TCF7L1: variants seen among roughly 807,000 people sequenced by gnomAD.
TCF7L1 encodes the protein transcription factor 7 like 1, also known as transcription factor 7-like 1.
A neutral mutation model predicts 63.7 loss-of-function variants in TCF7L1; 18 were observed. The observed-to-expected ratio is 0.28, with a 90% confidence interval of 0.20 to 0.42. The LOEUF (loss-of-function observed/expected upper bound fraction) is 0.42, where lower values mean the gene tolerates loss of function less well. Among genes scored for constraint, TCF7L1 ranks in the 10% least tolerant of loss-of-function variants. TCF7L1 has a pLI of 1.00. For missense variants in TCF7L1, 654 were observed against 779.3 expected (o/e 0.84, Z 1.91); for synonymous variants, 355 against 340.9 (o/e 1.04, Z -0.46).
chr2:85,139,259 G>A (rs770319302), intron 3 of TCF7L1, among the ~76,000 whole-genome samples: 3 of 152,050 alleles, frequency 2.0e-5, no homozygotes, highest in Non-Finnish European at 4.4e-5. Flanking sequence ...CACCTGTCTC[G>A]GCCTCCCAAA....
intron 3 of TCF7L1, among the ~76,000 whole-genome samples, chr2:85,161,961 A>C (rs1678295761): frequency 6.6e-6 from 1 of 152,180 alleles, no homozygotes; most frequent in South Asian, 2.1e-4. Flanking sequence ...CAGGCCCAGC[A>C]AGGCAAGCCA....
At position 85,222,485 on chromosome 2, in the gene TCF7L1, T is replaced by C. The variant is rs571190000; in HGVS notation, c.442-61010T>C. Among the ~76,000 whole-genome samples the C allele has an allele frequency of 6.0e-3, 902 of 150,608 alleles. 11 individuals are homozygous for C. Among genetic ancestry groups the C allele is most frequent in the African/African-American group, 0.02 (839 of 41,000 alleles). The stretch of plus-strand genomic sequence containing the variant: ...GAGTTCAAGGCCAGCCTGGGCAACA[T>C]GGTGAAATCCCTGTCTCCACCAAAA... On this transcript the variant is annotated intron_variant, in intron 3 of 11. Transcript: ENST00000282111.
chr2:85,182,659 C>T (rs1056051199), intron 3 of TCF7L1, among the ~76,000 whole-genome samples: 4 of 152,226 alleles, frequency 2.6e-5, no homozygotes, highest in African/African-American at 9.6e-5. Context: ...ATTACTGCTT[C>T]AGCAGGGACA....
Position 85,242,267 on chromosome 2 carries a change from C to A in TCF7L1, c.442-41228C>A, listed in dbSNP as rs574071691. 3.3e-5 allele frequency among the ~76,000 whole-genome samples: 5 copies of A among 152,284 alleles called. No homozygotes were observed. In the South Asian group the frequency reaches 1.0e-3, roughly 32 times the overall value. On this transcript the variant is annotated intron_variant, in intron 3 of 11. Coordinates refer to ENST00000282111, the MANE Select transcript of TCF7L1 (RefSeq NM_031283.3). Reference sequence around the variant, plus strand: ...CCTGGGTCACTTGGCTGCCTCTGGGCTGCCAACATAGAACCCACGTCACAT... The same window carrying A: ...CCTGGGTCACTTGGCTGCCTCTGGGATGCCAACATAGAACCCACGTCACAT...
chr2:85,217,074 G>C (rs1679728331), intron 3 of TCF7L1: 1 of 152,160 alleles, frequency 6.6e-6, no homozygotes, highest in Non-Finnish European at 1.5e-5. Flanking sequence ...ATTCAGAAGG[G>C]GAATCCCACA....
At chr2:85,225,450 C>T (rs1679935430) in intron 3 of TCF7L1, among the ~76,000 whole-genome samples, 1 of 152,132 alleles carries the variant, frequency 6.6e-6, no homozygotes, top group Non-Finnish European at 1.5e-5. Context: ...TCTTTTATTT[C>T]GTTGAGCAGT....
At chr2:85,160,277 G>C (rs1240865844) in intron 3 of TCF7L1, among the ~76,000 whole-genome samples, 1 of 152,136 alleles carries the variant, frequency 6.6e-6, no homozygotes, top group Non-Finnish European at 1.5e-5. Flanking sequence ...TGCATCTTCT[G>C]AGAAATGTCC....
Position 85,258,457 on chromosome 2 carries a change from G to T in TCF7L1, c.442-25038G>T, listed in dbSNP as rs148010899. On this transcript the variant is annotated intron_variant, in intron 3 of 11. Coordinates refer to ENST00000282111, the MANE Select transcript of TCF7L1 (RefSeq NM_031283.3). Reference sequence around the variant, plus strand: ...TGCCTGGGGCTGAGCTTTGATGGGGGTGCTGAGATGTCTGGGATGTTTCCA... The same window carrying T: ...TGCCTGGGGCTGAGCTTTGATGGGGTTGCTGAGATGTCTGGGATGTTTCCA... Among the ~76,000 whole-genome samples, 374 of 152,280 alleles carry T rather than the reference G, an allele frequency of 2.5e-3. 1 individual carries two copies. Among genetic ancestry groups the T allele is most frequent in the African/African-American group, 8.7e-3 (360 of 41,544 alleles).
At chr2:85,210,995 A>G (rs540686431) in intron 3 of TCF7L1, among the ~76,000 whole-genome samples, 3 of 152,340 alleles carry the variant, frequency 2.0e-5, no homozygotes, top group South Asian at 2.1e-4. Context: ...AGATGGGTCT[A>G]TCTCCCAGAG....
rs41288839 is a variant in TCF7L1, at chr2:85,306,547, C to T, written c.1245C>T (p.Ala415=). Reference sequence around the variant, plus strand: ...CGCAGCTCTACCCAACCTGGTCAGCCCGGGACAACTATGTAAGTGCACACT... The same window carrying T: ...CGCAGCTCTACCCAACCTGGTCAGCTCGGGACAACTATGTAAGTGCACACT... ...LHSQLYPTWS[A]RDNYGKKKKR... The change falls in exon 10 of 12, where the codon GCC becomes GCT. Residue 415 remains alanine, a synonymous_variant. Transcript: ENST00000282111. This position sits in a 1 kb window ranked among gnomAD's most constrained non-coding sequence, Gnocchi z 4.3. The T allele has an allele frequency of 0.019, 31,357 of 1,614,102 alleles. 394 individuals carry two copies. The highest frequency in any genetic ancestry group is 0.022 in the Non-Finnish European group (26,462 of 1,179,982).
chr2:85,183,011 C>A (rs1157804971), intron 3 of TCF7L1, among the ~76,000 whole-genome samples: 1 of 152,190 alleles, frequency 6.6e-6, no homozygotes, highest in Non-Finnish European at 1.5e-5. Flanking sequence ...CTCACTAGAG[C>A]TTCTGCTTCA....
chr2:85,210,788 C>G (rs2104289092), intron 3 of TCF7L1, among the ~76,000 whole-genome samples: 1 of 152,296 alleles, frequency 6.6e-6, no homozygotes, highest in East Asian at 1.9e-4. Flanking sequence ...TGTATGTTAA[C>G]TAATTTAATC....
At chr2:85,307,444 G>C (rs61326180) in intron 10 of TCF7L1, among the ~76,000 whole-genome samples, 198 bp from the exon 11 acceptor site, 17 of 152,112 alleles carry the variant, frequency 1.1e-4, no homozygotes, top group Non-Finnish European at 2.2e-4. Context: ...GAGGGGAAAC[G>C]CGTTTGTAGG....
rs528898068 is a variant in TCF7L1 at position 85,256,018 on chromosome 2, C to G, written c.442-27477C>G. Among the ~76,000 whole-genome samples the G allele has an allele frequency of 2.6e-5, 4 of 152,220 alleles. No individual in the cohort carries two copies. In the South Asian group the frequency reaches 8.3e-4, roughly 32 times the overall value. On this transcript the variant is annotated intron_variant, in intron 3 of 11. Transcript: ENST00000282111. ...GGCAAATGGGAGGTTAATGTGCAAACAGCGGGGAGCATTGTCCATGTGTGA... is the reference window on the plus strand; with the variant it reads ...GGCAAATGGGAGGTTAATGTGCAAAGAGCGGGGAGCATTGTCCATGTGTGA...
intron 4 of TCF7L1, among the ~76,000 whole-genome samples, chr2:85,295,840 C>T (rs942952908): frequency 4.9e-5 from 7 of 143,614 alleles, no homozygotes; most frequent in African/African-American, 1.3e-4. Flanking sequence ...TGCAGCGGCA[C>T]GATCTCGGCT....
chr2:85,216,962 C>A (rs567679448), intron 3 of TCF7L1: 41 of 152,290 alleles, frequency 2.7e-4, no homozygotes, highest in African/African-American at 9.9e-4. Flanking sequence ...AGCCTTCCTC[C>A]GCCTGTGTCC....
intron 3 of TCF7L1, among the ~76,000 whole-genome samples, chr2:85,196,374 C>T (rs956649732): frequency 3.9e-5 from 6 of 152,338 alleles, no homozygotes; most frequent in South Asian, 2.1e-4. Context: ...GGACTATAGG[C>T]GCAGGCCACT....
chr2:85,155,720 G>A (rs1678127888), intron 3 of TCF7L1, among the ~76,000 whole-genome samples: 1 of 152,140 alleles, frequency 6.6e-6, no homozygotes, highest in Admixed American at 6.6e-5. Context: ...GAAATAGATT[G>A]TCTTAGTGGC....
chr2:85,260,523 C>T (rs964917705), intron 3 of TCF7L1, among the ~76,000 whole-genome samples: 2 of 151,782 alleles, frequency 1.3e-5, no homozygotes, highest in Non-Finnish European at 2.9e-5. Context: ...TGCATGTAGT[C>T]CCAGCTACCC....
Sources: allele counts gnomAD v4.1 joint callset (sites outside exome capture counted in the v4.1 genomes callset), GRCh38; gene constraint gnomAD v4.1.1; non-coding constraint Gnocchi (gnomAD v3.1); transcripts MANE v1.5; gene names NCBI Gene and HGNC (gene_info 2026-07-23, HGNC 2026-07-21).